TENM1: variants seen among roughly 807,000 people sequenced by gnomAD.
TENM1 encodes the protein teneurin transmembrane protein 1, also known as teneurin-1.
A neutral mutation model predicts 174.8 loss-of-function variants in TENM1; 35 were observed. The observed-to-expected ratio is 0.20, with a 90% confidence interval of 0.15 to 0.27. The LOEUF (loss-of-function observed/expected upper bound fraction) is 0.27, where lower values mean the gene tolerates loss of function less well. Ranked by LOEUF, TENM1 falls within the 10% of genes least tolerant of loss-of-function variation. The pLI is 1.00. For synonymous variants in TENM1, 781 were observed against 798.7 expected (o/e 0.98, Z 0.37); for missense variants, 1,633 against 2,130.1 (o/e 0.77, Z 4.59).
At chrX:124,502,640 T>C (rs1370050761) in intron 19 of TENM1, among the ~76,000 whole-genome samples, 1 of 112,036 alleles carries the variant, frequency 8.9e-6, no homozygotes, top group Non-Finnish European at 1.9e-5. Context: ...CTTTTATATC[T>C]CAGCCTGAAT....
chrX:124,842,678 C>CTT (rs1024089120), intron 3 of TENM1, among the ~76,000 whole-genome samples: 1 of 110,258 alleles, frequency 9.1e-6, no homozygotes, highest in Non-Finnish European at 1.9e-5. Flanking sequence ...TCTGGTGTCC[C>CTT]TTTTTATAGG....
At chrX:124,469,074 G>A (rs2061271490) in intron 22 of TENM1, among the ~76,000 whole-genome samples, 1 of 111,515 alleles carries the variant, frequency 9.0e-6, no homozygotes, top group Non-Finnish European at 1.9e-5. Context: ...GCACCCTCTA[G>A]CTCATCTCTC....
chrX:124,572,223 C>T (rs776141792), intron 11 of TENM1, among the ~76,000 whole-genome samples: 11 of 112,005 alleles, frequency 9.8e-5, no homozygotes, highest in Admixed American at 9.5e-4. Flanking sequence ...ATAGAAGTCA[C>T]AGCCAAATAA....
intron 11 of TENM1, among the ~76,000 whole-genome samples, chrX:124,610,465 T>C (rs2050254957): frequency 8.9e-6 from 1 of 112,157 alleles, no homozygotes; most frequent in Admixed American, 9.5e-5. Flanking sequence ...AGCTATGAAT[T>C]CTACCTTAGT....
At chrX:124,785,768 C>A (rs1352728326) in intron 3 of TENM1, among the ~76,000 whole-genome samples, 1 of 111,766 alleles carries the variant, frequency 8.9e-6, no homozygotes, top group African/African-American at 3.2e-5. Flanking sequence ...CCTCATGAGA[C>A]CCGATTTGTC....
At chrX:125,177,337 T>C in the TENM1 span, among the ~76,000 whole-genome samples, 4,423 of 111,758 alleles carry the variant, frequency 0.04, 246 homozygotes, top group African/African-American at 0.14. Context: ...TAAAGTCATA[T>C]GAGTTGAACA....
At chrX:125,044,894 G>A in the TENM1 span, among the ~76,000 whole-genome samples, 1 of 111,641 alleles carries the variant, frequency 9.0e-6, no homozygotes, top group African/African-American at 3.3e-5. Flanking sequence ...AATTATGCCT[G>A]AGCACGGGGC....
At chrX:125,094,200 G>T in the TENM1 span, among the ~76,000 whole-genome samples, 1 of 112,106 alleles carries the variant, frequency 8.9e-6, no homozygotes, top group Middle Eastern at 4.6e-3. Flanking sequence ...TGTTCTCTGA[G>T]GCTGTCTCTT....
chrX:124,587,541 A>G (rs1432149358), intron 11 of TENM1, among the ~76,000 whole-genome samples: 2 of 111,644 alleles, frequency 1.8e-5, no homozygotes, highest in African/African-American at 6.5e-5. Context: ...AACTAATTCA[A>G]GATGGATTAA....
chrX:124,383,790 C>T (rs2060188406), exon 30 of TENM1: 1 of 1,210,384 alleles, frequency 8.3e-7, no homozygotes, highest in Non-Finnish European at 1.1e-6. Context: ...TCCCTTTGCC[C>T]CAGGTGCACT....
intron 11 of TENM1, among the ~76,000 whole-genome samples, chrX:124,569,808 T>A (rs2858435): frequency 0.25 from 27,709 of 110,302 alleles, 2,656 homozygotes; most frequent in South Asian, 0.42. Flanking sequence ...TATCGATTCT[T>A]AGAAATCAGA....
At chrX:124,978,121 C>G in the TENM1 span, among the ~76,000 whole-genome samples, 2 of 110,943 alleles carry the variant, frequency 1.8e-5, no homozygotes, top group Non-Finnish European at 3.8e-5. Flanking sequence ...GCTTTTGAGT[C>G]TCTCTAGTGA....
intron 1 of TENM1, among the ~76,000 whole-genome samples, chrX:124,916,616 G>T (rs905980494): frequency 4.5e-5 from 5 of 111,291 alleles, no homozygotes; most frequent in Non-Finnish European, 7.5e-5. Context: ...AAATTTAATT[G>T]TCATTATAAC....
At chrX:124,736,619 A>T (rs971917531) in intron 4 of TENM1, among the ~76,000 whole-genome samples, 1 of 111,994 alleles carries the variant, frequency 8.9e-6, no homozygotes, top group Non-Finnish European at 1.9e-5. Context: ...AACAAGGGAC[A>T]ATTGCCTTTC....
chrX:124,731,319 T>A (rs764119049), intron 4 of TENM1, among the ~76,000 whole-genome samples: 2 of 112,163 alleles, frequency 1.8e-5, no homozygotes, highest in African/African-American at 6.5e-5. Context: ...TGAAAAAGAA[T>A]GATGATAGAC....
chrX:125,062,773 G>C, the TENM1 span, among the ~76,000 whole-genome samples: 1 of 111,793 alleles, frequency 8.9e-6, no homozygotes, highest in Non-Finnish European at 1.9e-5. Context: ...CTGATACTAG[G>C]GAGCAATCAG....
chrX:124,817,682 C>T (rs1302585085), intron 3 of TENM1, among the ~76,000 whole-genome samples: 1 of 112,047 alleles, frequency 8.9e-6, no homozygotes, highest in East Asian at 2.8e-4. Context: ...GCAGTCATTT[C>T]CTGCTTCAAA....
At chrX:124,837,047 G>A (rs2056405845) in intron 3 of TENM1, among the ~76,000 whole-genome samples, 1 of 111,952 alleles carries the variant, frequency 8.9e-6, no homozygotes, top group Admixed American at 9.5e-5. Context: ...TCTGAGCCCT[G>A]GGTTTTGTCA....
At chrX:124,840,605 G>A (rs991199692) in intron 3 of TENM1, among the ~76,000 whole-genome samples, 1 of 111,600 alleles carries the variant, frequency 9.0e-6, no homozygotes, top group African/African-American at 3.3e-5. Context: ...ATAAAGAGAG[G>A]AGGCTGCTTA....
Sources: gnomAD v4.1 joint callset for allele counts (sites outside exome capture counted in the v4.1 genomes callset) on GRCh38, gnomAD v4.1.1 for gene constraint, MANE v1.5 for transcripts, NCBI Gene and HGNC (gene_info 2026-07-23, HGNC 2026-07-21) for gene names.